MTAP: variants seen among roughly 807,000 people sequenced by gnomAD.
MTAP encodes the protein methylthioadenosine phosphorylase, also known as S-methyl-5'-thioadenosine phosphorylase.
MTAP carries 33 observed loss-of-function variants against 33.6 expected under a neutral mutation model. The observed-to-expected ratio is 0.98, with a 90% CI of 0.74 to 1.31. The LOEUF (loss-of-function observed/expected upper bound fraction) is 1.31. Ranked by LOEUF, MTAP falls within the 40% of genes most tolerant of loss-of-function variation. The pLI is 0.00. For missense variants in MTAP, 367 were observed against 360.0 expected (o/e 1.02, Z -0.16); for synonymous variants, 148 against 125.7 (o/e 1.18, Z -1.19).
intron 4 of MTAP, among the ~76,000 whole-genome samples, chr9:21,832,635 G>T (rs946491878): frequency 6.6e-6 from 1 of 152,194 alleles, no homozygotes; most frequent in African/African-American, 2.4e-5. Context: ...CCTTGAAGTG[G>T]TGTCCACTAT....
At chr9:21,932,972 G>C (rs936665558), downstream of MTAP, 1 of 152,064 alleles carries the variant, frequency 6.6e-6, no homozygotes, top group Admixed American at 6.5e-5. Context: ...AAAAAAAAAT[G>C]CCTTATGAAA....
intron 5 of MTAP, among the ~76,000 whole-genome samples, chr9:21,848,614 C>G (rs1221437574): frequency 6.6e-6 from 1 of 152,166 alleles, no homozygotes; most frequent in Non-Finnish European, 1.5e-5. Context: ...TATGGAAATT[C>G]AGATGGTGGA....
chr9:21,820,578 G>A (rs533190075), intron 4 of MTAP, among the ~76,000 whole-genome samples: 13 of 152,312 alleles, frequency 8.5e-5, no homozygotes, highest in African/African-American at 3.1e-4. Context: ...GTAGTGAGAT[G>A]CCTCCAGCTT....
chr9:21,864,375 T>C lies in MTAP; in HGVS notation c.*2361T>C, dbSNP rs1477120565. 21 of 985,242 alleles carry C rather than the reference T, an allele frequency of 2.1e-5. No homozygotes were observed. Among genetic ancestry groups the C allele is most frequent in the African/African-American group, 7.0e-5 (4 of 57,312 alleles). The allele number at this position is 985,242 out of a possible 1,614,324, so 61.0% of individuals were successfully genotyped here. ...ATTTTTTTTTTTTAATTTAAGCTAG[T>C]ATACTAAGTGAACACCATGGTCAGT... On this transcript the variant is annotated 3_prime_UTR_variant, in exon 8 of 8. Transcript: ENST00000644715.
intron 5 of MTAP, among the ~76,000 whole-genome samples, chr9:21,838,352 A>C (rs867120816): frequency 6.6e-6 from 1 of 152,178 alleles, no homozygotes; most frequent in Non-Finnish European, 1.5e-5. Context: ...CTCTTCAACA[A>C]AGTAGCTGTG....
intron 1 of MTAP, chr9:21,811,858 G>A: frequency 2.3e-6 from 1 of 437,692 alleles, no homozygotes; most frequent in South Asian, 1.8e-5. Flanking sequence ...CAGTGAAGGT[G>A]GCCGGACATC....
At chr9:21,901,902 TTTGAG>T (rs1323108892) in intron 1 of MTAP, among the ~76,000 whole-genome samples, 1 of 152,238 alleles carries the variant, frequency 6.6e-6, no homozygotes, top group Non-Finnish European at 1.5e-5. Context: ...TCCAAATTTG[TTTGAG>T]TTTTCTAGCT....
intron 4 of MTAP, among the ~76,000 whole-genome samples, chr9:21,830,114 T>G (rs760335625): frequency 3.3e-5 from 5 of 152,202 alleles, no homozygotes; most frequent in Non-Finnish European, 5.9e-5. Context: ...CCATAGCAAT[T>G]AAAGTGAAAA....
intron 1 of MTAP, among the ~76,000 whole-genome samples, chr9:21,923,935 A>G (rs907448183): frequency 1.3e-5 from 2 of 152,236 alleles, no homozygotes; most frequent in African/African-American, 4.8e-5. Context: ...CCCATAGGAC[A>G]GAGAGAGATA....
downstream of MTAP, among the ~76,000 whole-genome samples, chr9:21,870,537 A>G (rs1421930181): frequency 6.6e-6 from 1 of 152,094 alleles, no homozygotes; most frequent in Non-Finnish European, 1.5e-5. Flanking sequence ...GGCACTCTAA[A>G]TCAGTGCTGT....
At chr9:21,896,371 A>C (rs1274387532) in intron 1 of MTAP, among the ~76,000 whole-genome samples, 5 of 152,248 alleles carry the variant, frequency 3.3e-5, no homozygotes, top group African/African-American at 9.6e-5. Flanking sequence ...AGCAGAAGGC[A>C]AGAAATAACT....
chr9:21,875,104 G>C (rs1825986712), intron 1 of MTAP, among the ~76,000 whole-genome samples: 1 of 152,144 alleles, frequency 6.6e-6, no homozygotes, highest in Non-Finnish European at 1.5e-5. Context: ...CTGGTTCCAA[G>C]TCTTTACTCT....
intron 4 of MTAP, among the ~76,000 whole-genome samples, chr9:21,829,796 A>G (rs1015682526): frequency 3.3e-5 from 5 of 152,204 alleles, no homozygotes; most frequent in Non-Finnish European, 7.3e-5. Flanking sequence ...TTTAAGAAAG[A>G]CATGTGGCTG....
intron 1 of MTAP, among the ~76,000 whole-genome samples, chr9:21,910,129 A>C (rs1009651172): frequency 6.6e-6 from 1 of 152,186 alleles, no homozygotes; most frequent in Non-Finnish European, 1.5e-5. Context: ...TCACCATTGT[A>C]TAATATCTCC....
rs1554641933 is a variant in MTAP, at chr9:21,815,590, T to TTA, written c.120+71_120+72insTA. The TTA allele has an allele frequency of 1.1e-5, 8 of 757,902 alleles. No homozygotes were observed. The African/African-American group carries it at 1.1e-4, about 11-fold the overall frequency. 46.9% of individuals were successfully genotyped at this position (757,902 alleles called of 1,614,324 possible). A position where few individuals can be genotyped will look rare whatever the true frequency, so the allele number is the denominator to read the frequency against. ...CTCCTTGCTGGCTTGATTTTTGAAT[T>TTA]AAAAAAAAAAAAAAGAATTGCTTTT... On this transcript the variant is annotated intron_variant, in intron 2 of 7. Transcript: ENST00000644715.
intron 4 of MTAP, among the ~76,000 whole-genome samples, chr9:21,830,017 C>A (rs558872294): frequency 6.6e-6 from 1 of 152,042 alleles, no homozygotes; most frequent in Non-Finnish European, 1.5e-5. Context: ...TGTGACTGCC[C>A]TGGAAAAAGA....
intron 1 of MTAP, among the ~76,000 whole-genome samples, chr9:21,895,482 A>T (rs1187765941): frequency 6.6e-6 from 1 of 152,216 alleles, no homozygotes; most frequent in Non-Finnish European, 1.5e-5. Context: ...CTTGTCAGAC[A>T]GTGGGTGCAG....
chr9:21,863,304 T>C lies in MTAP; in HGVS notation c.*1290T>C. ...TTTTTTAACTCTTTTTTTATTGTTATTTTATAGAAATGCTTTTTGTTGGCC... is the reference window on the plus strand; with the variant it reads ...TTTTTTAACTCTTTTTTTATTGTTACTTTATAGAAATGCTTTTTGTTGGCC... On this transcript the variant is annotated 3_prime_UTR_variant, in exon 8 of 8. Coordinates refer to ENST00000644715, the MANE Select transcript of MTAP (RefSeq NM_002451.4). 1 of 984,646 alleles carries C rather than the reference T, an allele frequency of 1.0e-6. No individual in the cohort carries two copies. The highest frequency in any genetic ancestry group is 1.2e-6 in the Non-Finnish European group (1 of 829,212). The allele number at this position is 984,646 out of a possible 1,614,324, so 61.0% of individuals were successfully genotyped here.
chr9:21,904,314 A>AG (rs1461608789), intron 1 of MTAP, among the ~76,000 whole-genome samples: 1 of 152,144 alleles, frequency 6.6e-6, no homozygotes, highest in East Asian at 1.9e-4. Context: ...TGGTCTTGGG[A>AG]AATGCAACAT....
Sources: allele counts gnomAD v4.1 joint callset (sites outside exome capture counted in the v4.1 genomes callset), GRCh38; gene constraint gnomAD v4.1.1; transcripts MANE v1.5; gene names NCBI Gene and HGNC (gene_info 2026-07-23, HGNC 2026-07-21).